The following CIMAP2 variants were observed in gnomAD, a reference collection of about 807,000 sequenced individuals.
The protein encoded by CIMAP2 is ciliary microtubule associated protein 2.
chr1:54,828,582 T>G, the CIMAP2 span, among the ~76,000 whole-genome samples: 1 of 152,196 alleles, frequency 6.6e-6, no homozygotes, highest in Non-Finnish European at 1.5e-5. Context: ...TCCTCCTGCC[T>G]TGGCCTCCCA....
chr1:54,833,756 A>C, the CIMAP2 span, among the ~76,000 whole-genome samples: 20 of 152,168 alleles, frequency 1.3e-4, no homozygotes, highest in Non-Finnish European at 2.8e-4. Context: ...GGCCATGTGG[A>C]TATCAGAACT....
chr1:54,817,959 C>G, the CIMAP2 span, among the ~76,000 whole-genome samples: 1 of 152,278 alleles, frequency 6.6e-6, no homozygotes, highest in East Asian at 1.9e-4. Flanking sequence ...TCTTATTTTT[C>G]CTTTCTGCAC....
the CIMAP2 span, chr1:54,807,446 G>C: frequency 7.0e-7 from 1 of 1,421,522 alleles, no homozygotes; most frequent in African/African-American, 1.4e-5. Flanking sequence ...CCGGGTCAGG[G>C]TGGTGGCTTG....
At chr1:54,813,092 T>G in the CIMAP2 span, among the ~76,000 whole-genome samples, 3 of 151,668 alleles carry the variant, frequency 2.0e-5, no homozygotes, top group East Asian at 5.8e-4. Context: ...CCAGTGCCCA[T>G]TCTGGCTGGC....
the CIMAP2 span, chr1:54,806,847 C>A: frequency 2.7e-4 from 200 of 750,612 alleles, 3 homozygotes; most frequent in African/African-American, 3.0e-3. Context: ...CTGGAACATT[C>A]AAAGCCACTG....
the CIMAP2 span, chr1:54,807,195 C>A: frequency 8.3e-7 from 1 of 1,206,246 alleles, no homozygotes; most frequent in Non-Finnish European, 1.2e-6. Context: ...TTTCTACCTT[C>A]TTCCAGCACA....
At chr1:54,813,909 C>T in the CIMAP2 span, 3 of 1,613,800 alleles carry the variant, frequency 1.9e-6, no homozygotes, top group South Asian at 3.3e-5. Context: ...CTAAACTTCC[C>T]CGAAACCCGA....
chr1:54,821,402 A>G, the CIMAP2 span, among the ~76,000 whole-genome samples: 3 of 152,102 alleles, frequency 2.0e-5, no homozygotes, highest in South Asian at 6.2e-4. Flanking sequence ...GTTGATTTTT[A>G]TATATAGTGA....
chr1:54,809,784 T>G, the CIMAP2 span, among the ~76,000 whole-genome samples: 1 of 152,068 alleles, frequency 6.6e-6, no homozygotes, highest in East Asian at 1.9e-4. Flanking sequence ...AGCCTGACTC[T>G]GTTTCCTTCC....
At chr1:54,812,181 T>C in the CIMAP2 span, 1 of 1,614,200 alleles carries the variant, frequency 6.2e-7, no homozygotes, top group Non-Finnish European at 8.5e-7. Context: ...TGGGCACTAC[T>C]CCATGCAGGT....
At chr1:54,807,116 C>T in the CIMAP2 span, 2 of 1,582,304 alleles carry the variant, frequency 1.3e-6, no homozygotes, top group South Asian at 1.1e-5. Flanking sequence ...ACTCCTCCCA[C>T]AGGGTCTGGC....
the CIMAP2 span, chr1:54,811,981 C>A: frequency 6.2e-7 from 1 of 1,613,970 alleles, no homozygotes; most frequent in African/African-American, 1.3e-5. Flanking sequence ...CCTGCAGGGG[C>A]ACTCCCAGGG....
chr1:54,841,307 T>C, the CIMAP2 span, among the ~76,000 whole-genome samples: 1 of 152,204 alleles, frequency 6.6e-6, no homozygotes, highest in East Asian at 1.9e-4. Context: ...AAGGGGTTCT[T>C]ATGGAAGTGC....
At chr1:54,808,165 T>C in the CIMAP2 span, among the ~76,000 whole-genome samples, 2 of 152,200 alleles carry the variant, frequency 1.3e-5, no homozygotes, top group African/African-American at 4.8e-5. Flanking sequence ...ACCTTGGGGA[T>C]CTAGCAGTGA....
At chr1:54,834,497 T>C in the CIMAP2 span, among the ~76,000 whole-genome samples, 19 of 152,312 alleles carry the variant, frequency 1.2e-4, no homozygotes, top group South Asian at 3.1e-3. Flanking sequence ...TATAGCAAAG[T>C]TGAAAGAATT....
chr1:54,808,616 G>GGGGGC, the CIMAP2 span, among the ~76,000 whole-genome samples: 4 of 139,556 alleles, frequency 2.9e-5, 1 homozygote, highest in Admixed American at 7.1e-5. Context: ...TGCTGCCGGG[G>GGGGGC]GAGGGCAGTG....
chr1:54,837,807 G>C, the CIMAP2 span, among the ~76,000 whole-genome samples: 1 of 152,190 alleles, frequency 6.6e-6, no homozygotes, highest in Non-Finnish European at 1.5e-5. Flanking sequence ...CTTGAAGGGG[G>C]CTGTGTGTAA....
chr1:54,840,274 G>A, the CIMAP2 span, among the ~76,000 whole-genome samples: 834 of 152,248 alleles, frequency 5.5e-3, 8 homozygotes, highest in Non-Finnish European at 8.0e-3. Flanking sequence ...GTTACACGGT[G>A]GTCTTGAGAT....
the CIMAP2 span, among the ~76,000 whole-genome samples, chr1:54,828,723 T>C: frequency 6.6e-6 from 1 of 152,196 alleles, no homozygotes; most frequent in Non-Finnish European, 1.5e-5. Context: ...ACACAAATGA[T>C]AAAATACATT....
Sources: gnomAD v4.1 joint callset for allele counts (sites outside exome capture counted in the v4.1 genomes callset) on GRCh38, gnomAD v4.1.1 for gene constraint, MANE v1.5 for transcripts, NCBI Gene and HGNC (gene_info 2026-07-23, HGNC 2026-07-21) for gene names.